RB1: variants seen among roughly 807,000 people sequenced by gnomAD.
RB1 encodes retinoblastoma-associated protein.
RB1 carries 18 observed loss-of-function variants against 135.4 expected under a neutral mutation model. The observed-to-expected ratio is 0.13, with a 90% CI of 0.09 to 0.20. The LOEUF is 0.20. Ranked by LOEUF, RB1 falls within the 10% of genes least tolerant of loss-of-function variation. The pLI is 1.00. For synonymous variants in RB1, 365 were observed against 373.2 expected (o/e 0.98, Z 0.25); for missense variants, 868 against 1,110.0 (o/e 0.78, Z 3.10).
intron 17 of RB1, among the ~76,000 whole-genome samples, chr13:48,409,944 T>C (rs997658859): frequency 6.6e-6 from 1 of 152,192 alleles, no homozygotes; most frequent in African/African-American, 2.4e-5. Flanking sequence ...GTACTTTTTT[T>C]CTAAAGTATA....
In RB1 at chr13:48,303,864, T is replaced by G; in HGVS notation, c.-49T>G. ...GCCCCGACGTGCGCGCGCGTCGTCC[T>G]CCCCGGCGCTCCTCCACAGCTCGCT... On this transcript the variant is annotated 5_prime_UTR_variant, in exon 1 of 27. Coordinates refer to ENST00000267163, the MANE Select transcript of RB1 (RefSeq NM_000321.3). 6.7e-7 allele frequency: 1 copy of G among 1,500,076 alleles called. No homozygotes were observed. Among genetic ancestry groups the G allele is most frequent in the East Asian group, 2.8e-5 (1 of 36,032 alleles). The allele number at this position is 1,500,076 out of a possible 1,614,324, so 92.9% of individuals were successfully genotyped here.
chr13:48,393,200 C>G (rs1353601705), intron 17 of RB1, among the ~76,000 whole-genome samples: 1 of 152,194 alleles, frequency 6.6e-6, no homozygotes, highest in African/African-American at 2.4e-5. Flanking sequence ...ATGCACTGAT[C>G]AGTACTCAGC....
intron 23 of RB1, among the ~76,000 whole-genome samples, chr13:48,466,106 G>A (rs1348668836): frequency 6.7e-6 from 1 of 150,250 alleles, no homozygotes; most frequent in African/African-American, 2.4e-5. Context: ...CTGGGGGCAG[G>A]GCACAGACAA....
intron 4 of RB1, among the ~76,000 whole-genome samples, chr13:48,346,500 A>C (rs1416183231): frequency 6.8e-6 from 1 of 147,898 alleles, no homozygotes; most frequent in African/African-American, 2.5e-5. Context: ...CATATCTGGT[A>C]GCTTATTTTA....
intron 17 of RB1, among the ~76,000 whole-genome samples, chr13:48,451,617 G>A (rs1949327466): frequency 6.6e-6 from 1 of 152,160 alleles, no homozygotes; most frequent in Non-Finnish European, 1.5e-5. Context: ...TTGCTATCAG[G>A]ATGATGCTGG....
intron 12 of RB1, among the ~76,000 whole-genome samples, chr13:48,375,372 C>T (rs972582088): frequency 1.3e-5 from 2 of 151,778 alleles, no homozygotes; most frequent in South Asian, 4.2e-4. Flanking sequence ...CACCTTCCCT[C>T]CATGTAAAAT....
At chr13:48,420,733 T>C (rs1948992868) in intron 17 of RB1, among the ~76,000 whole-genome samples, 2 of 152,240 alleles carry the variant, frequency 1.3e-5, no homozygotes, top group South Asian at 4.1e-4. Context: ...AGTATTCCTA[T>C]ACAACAATAA....
intron 8 of RB1, 140 bp downstream of exon 8, chr13:48,363,097 GA>G: frequency 9.5e-7 from 1 of 1,048,848 alleles, no homozygotes; most frequent in Non-Finnish European, 1.4e-6. Flanking sequence ...AAAATATTTA[GA>G]AAAAATTAAT....
intron 23 of RB1, among the ~76,000 whole-genome samples, chr13:48,472,253 A>G (rs778584843): frequency 1.4e-4 from 21 of 152,184 alleles, no homozygotes; most frequent in Non-Finnish European, 2.4e-4. Context: ...TTTGCATGGT[A>G]TATTTAATTA....
intron 17 of RB1, chr13:48,416,289 A>G (rs1351191076): frequency 3.3e-5 from 5 of 152,278 alleles, no homozygotes; most frequent in Non-Finnish European, 7.3e-5. Flanking sequence ...AGGCGAGCCA[A>G]AGCAGGGTGG....
intron 17 of RB1, among the ~76,000 whole-genome samples, chr13:48,407,503 G>T (rs1948750994): frequency 6.6e-6 from 1 of 152,120 alleles, no homozygotes; most frequent in Non-Finnish European, 1.5e-5. Flanking sequence ...TTATAAAACT[G>T]TCTGACATCA....
intron 17 of RB1, among the ~76,000 whole-genome samples, chr13:48,431,810 C>T (rs1287780920): frequency 6.6e-6 from 1 of 152,112 alleles, no homozygotes; most frequent in Non-Finnish European, 1.5e-5. Context: ...TTGCCCTGGC[C>T]ATATAAATAG....
chr13:48,336,919 C>T (rs1276589567), intron 2 of RB1, among the ~76,000 whole-genome samples: 1 of 152,124 alleles, frequency 6.6e-6, no homozygotes, highest in Non-Finnish European at 1.5e-5. Flanking sequence ...ATCTTTATTT[C>T]TGCCTTCATT....
chr13:48,349,107 T>C, intron 6 of RB1, 84 bp downstream of exon 6: 1 of 1,405,294 alleles, frequency 7.1e-7, no homozygotes, highest in Non-Finnish European at 9.7e-7. Flanking sequence ...TCCCCAATTT[T>C]TATTGAGTAA....
chr13:48,379,522 A>AC, intron 13 of RB1, 72 bp from the exon 14 acceptor site: 1 of 1,547,614 alleles, frequency 6.5e-7, no homozygotes, highest in Non-Finnish European at 8.7e-7. Flanking sequence ...TCCATCTCAA[A>AC]AAAAAAAAAA....
intron 18 of RB1, among the ~76,000 whole-genome samples, chr13:48,454,602 T>A (rs1161762398): frequency 1.3e-5 from 2 of 152,124 alleles, no homozygotes; most frequent in Admixed American, 1.3e-4. Context: ...TAAACCAAGA[T>A]GTAAGATGAT....
intron 24 of RB1, 80 bp from the exon 25 acceptor site, chr13:48,476,621 C>T (rs2138358516): frequency 6.8e-7 from 1 of 1,470,232 alleles, no homozygotes; most frequent in Non-Finnish European, 9.4e-7. Context: ...TTTTGACACA[C>T]CTCAAACTAT....
At chr13:48,404,414 G>A (rs1045313440) in intron 17 of RB1, among the ~76,000 whole-genome samples, 30 of 147,916 alleles carry the variant, frequency 2.0e-4, no homozygotes, top group African/African-American at 7.2e-4. Flanking sequence ...CAGAGGAAAT[G>A]GAGGAGAGAA....
At chr13:48,439,972 A>G (rs1469652590) in intron 17 of RB1, among the ~76,000 whole-genome samples, 1 of 152,202 alleles carries the variant, frequency 6.6e-6, no homozygotes, top group Non-Finnish European at 1.5e-5. Context: ...ACATGCATAC[A>G]TATATACATA....
Sources: allele counts gnomAD v4.1 joint callset (sites outside exome capture counted in the v4.1 genomes callset), GRCh38; gene constraint gnomAD v4.1.1; transcripts MANE v1.5; gene names NCBI Gene and HGNC (gene_info 2026-07-23, HGNC 2026-07-21).